Variants in PTPRQ observed in about 807,000 individuals in gnomAD.
PTPRQ encodes phosphatidylinositol phosphatase PTPRQ.
A neutral mutation model predicts 246.0 loss-of-function variants in PTPRQ; 199 were observed. The ratio of observed to expected loss-of-function variants is 0.81; its 90% CI spans 0.72 to 0.91. The LOEUF is 0.91. Ranked by LOEUF, PTPRQ falls within the 40% of genes least tolerant of loss-of-function variation. The pLI, the probability that PTPRQ is intolerant of heterozygous loss-of-function variation, is 0.00. For synonymous variants in PTPRQ, 869 were observed against 853.2 expected, an observed-to-expected ratio of 1.02 and a Z score of -0.32; for missense variants, 2,624 against 2,528.4, an observed-to-expected ratio of 1.04 and a Z score of -0.81.
chr12:80,524,404 C>T (rs1181062026), intron 17 of PTPRQ, among the ~76,000 whole-genome samples: 1 of 152,038 alleles, frequency 6.6e-6, no homozygotes, highest in East Asian at 1.9e-4. Context: ...GATTGTGAGG[C>T]CTCCTAAGCC....
chr12:80,513,145 AGAG>A, intron 17 of PTPRQ, among the ~76,000 whole-genome samples: 1 of 152,154 alleles, frequency 6.6e-6, no homozygotes, highest in African/African-American at 2.4e-5. Context: ...TCGCAAGGAC[AGAG>A]GGCTTTCTGT....
At chr12:80,617,018 A>G (rs1898789647) in intron 30 of PTPRQ, among the ~76,000 whole-genome samples, 1 of 151,254 alleles carries the variant, frequency 6.6e-6, no homozygotes. Flanking sequence ...TCTACCTGAT[A>G]TGTCTCTTTC....
At chr12:80,639,365 T>C (rs1899773973) in intron 35 of PTPRQ, among the ~76,000 whole-genome samples, 1 of 152,230 alleles carries the variant, frequency 6.6e-6, no homozygotes, top group African/African-American at 2.4e-5. Flanking sequence ...ATATTCTTAC[T>C]TGACAGAAAC....
rs1016069774 is a variant in PTPRQ, at chr12:80,478,719, C to G, written c.1187-5714C>G. ...ACTTATAACCAAGGCTCGAGAACTA[C>G]GTGAAGAATGCAGAAGCCTCAGGAG... On this transcript the variant is annotated intron_variant, in intron 8 of 44. Coordinates refer to ENST00000644991, the MANE Select transcript of PTPRQ (RefSeq NM_001145026.2). 5.3e-5 allele frequency among the ~76,000 whole-genome samples: 8 copies of G among 152,086 alleles called. 1 individual carries two copies. The highest frequency in any genetic ancestry group is 1.9e-4 in the African/African-American group (8 of 41,482).
chr12:80,501,947 A>C lies in PTPRQ; in HGVS notation c.2273-4077A>C, dbSNP rs151001692. Among the ~76,000 whole-genome samples the C allele has an allele frequency of 2.0e-5, 3 of 151,994 alleles. No individual in the cohort carries two copies. The East Asian group carries it at 5.8e-4, about 29-fold the overall frequency. On this transcript the variant is annotated intron_variant, in intron 14 of 44. Coordinates refer to ENST00000644991, the MANE Select transcript of PTPRQ (RefSeq NM_001145026.2). ...GATTAACAGAGTATGATAGGCAAAA[A>C]AAAATGTAGAAAATGAGGAATGGCA...
intron 35 of PTPRQ, 129 bp from the exon 36 acceptor site, chr12:80,648,768 A>G (rs1900159863): frequency 4.6e-6 from 3 of 651,720 alleles, no homozygotes; most frequent in African/African-American, 1.9e-5. Flanking sequence ...TAATGATCAT[A>G]TATTAGTTAA....
At chr12:80,568,253 AT>A (rs916014607) in intron 25 of PTPRQ, among the ~76,000 whole-genome samples, 2 of 152,078 alleles carry the variant, frequency 1.3e-5, no homozygotes, top group Non-Finnish European at 2.9e-5. Context: ...AAACATAGAG[AT>A]TTTTTTGTAT....
intron 25 of PTPRQ, among the ~76,000 whole-genome samples, chr12:80,558,119 C>CTTTCTTTCTTTTCTTTTCTTTTCTTTTCT (rs1555197999): frequency 1.0e-5 from 1 of 95,680 alleles, no homozygotes; most frequent in Non-Finnish European, 1.9e-5. Flanking sequence ...TCTTTTCTTT[C>CTTTCTTTCTTTTCTTTTCTTTTCTTTTCT]TTTCTTTTCT....
In PTPRQ at chr12:80,570,716, A is replaced by G. The variant is rs1276042537; in HGVS notation, c.4286-17413A>G. On this transcript the variant is annotated intron_variant, in intron 25 of 44. Transcript: ENST00000644991. ...TTTCTTCTAGGGTTTTTAGGGTTTTAGGTTTTACATTTAAGTCTTTAATCC... is the reference window on the plus strand; with the variant it reads ...TTTCTTCTAGGGTTTTTAGGGTTTTGGGTTTTACATTTAAGTCTTTAATCC... Among the ~76,000 whole-genome samples, 6 of 152,204 alleles carry G rather than the reference A, an allele frequency of 3.9e-5. No homozygotes were observed. In the East Asian group the frequency reaches 1.2e-3, roughly 29 times the overall value.
intron 27 of PTPRQ, among the ~76,000 whole-genome samples, chr12:80,608,652 A>G (rs1318290182): frequency 6.8e-6 from 1 of 147,904 alleles, no homozygotes; most frequent in Non-Finnish European, 1.5e-5. Context: ...GTAGAATTCT[A>G]TGGACTCTTG....
intron 8 of PTPRQ, among the ~76,000 whole-genome samples, chr12:80,474,126 T>G (rs1230875860): frequency 6.6e-6 from 1 of 152,250 alleles, no homozygotes; most frequent in East Asian, 1.9e-4. Context: ...GTTTCAGTAT[T>G]TAAAACTTTG....
chr12:80,639,849 T>G (rs1234588862), intron 35 of PTPRQ, among the ~76,000 whole-genome samples: 4 of 152,184 alleles, frequency 2.6e-5, no homozygotes, highest in Non-Finnish European at 4.4e-5. Context: ...AAACTCTGCA[T>G]GTAGTGATTT....
chr12:80,534,380 G>T (rs1255003121), intron 18 of PTPRQ, among the ~76,000 whole-genome samples: 1 of 152,008 alleles, frequency 6.6e-6, no homozygotes, highest in Admixed American at 6.6e-5. Flanking sequence ...CATTGGTAAT[G>T]TGGAAACAGT....
intron 33 of PTPRQ, among the ~76,000 whole-genome samples, chr12:80,627,296 GAGA>G (rs374707363): frequency 6.6e-6 from 1 of 150,600 alleles, no homozygotes; most frequent in African/African-American, 2.4e-5. Context: ...TGGGCCAAAA[GAGA>G]AGATGAACTC....
intron 16 of PTPRQ, among the ~76,000 whole-genome samples, chr12:80,508,346 A>C (rs1051338668): frequency 6.6e-6 from 1 of 152,094 alleles, no homozygotes; most frequent in Non-Finnish European, 1.5e-5. Flanking sequence ...AATAATTTTT[A>C]TGATTTTTAA....
At chr12:80,669,970 T>C (rs1900915820) in intron 41 of PTPRQ, among the ~76,000 whole-genome samples, 1 of 152,072 alleles carries the variant, frequency 6.6e-6, no homozygotes, top group Non-Finnish European at 1.5e-5. Context: ...TAAGGATCTT[T>C]ATACTTTTCA....
intron 31 of PTPRQ, 97 bp from the exon 32 acceptor site, chr12:80,620,057 A>C: frequency 7.2e-7 from 1 of 1,385,532 alleles, no homozygotes; most frequent in Non-Finnish European, 9.5e-7. Context: ...TGTTGCATCG[A>C]GAGTCCCCTT....
intron 8 of PTPRQ, among the ~76,000 whole-genome samples, chr12:80,480,657 A>C (rs1894011160): frequency 6.6e-6 from 1 of 152,084 alleles, no homozygotes; most frequent in African/African-American, 2.4e-5. Flanking sequence ...AGAGAGAAGA[A>C]TCAAATAGAC....
chr12:80,457,575 G>T lies in PTPRQ; in HGVS notation c.391G>T (p.Val131Phe). Reference sequence around the variant, plus strand: ...ACACAATCCTTTTGGTCTGTTCTAGGTTGCTGCTGAAAACAGTGCTGGCAT... The same window carrying T: ...ACACAATCCTTTTGGTCTGTTCTAGTTTGCTGCTGAAAACAGTGCTGGCAT... ...LNPGTTYEIK[V>F]AAENSAGIGV... is the part of the protein sequence containing the mutation. Residue 131 changes from valine to phenylalanine, a missense_variant and splice_region_variant, in exon 4 of 45, where the codon GTT (valine) becomes TTT (phenylalanine). Coordinates refer to ENST00000644991, the MANE Select transcript of PTPRQ (RefSeq NM_001145026.2). 3 of 400,184 alleles carry T rather than the reference G, an allele frequency of 7.5e-6. No individual in the cohort carries two copies. The highest frequency in any genetic ancestry group is 1.3e-5 in the Non-Finnish European group (3 of 225,868). The allele number at this position is 400,184 out of a possible 1,614,324, so 24.8% of individuals were successfully genotyped here. A position where few individuals can be genotyped will look rare whatever the true frequency, so the allele number is the denominator to read the frequency against.
Sources: allele counts gnomAD v4.1 joint callset (sites outside exome capture counted in the v4.1 genomes callset), GRCh38; gene constraint gnomAD v4.1.1; transcripts MANE v1.5; gene names NCBI Gene and HGNC (gene_info 2026-07-23, HGNC 2026-07-21).